The following TAF2 variants were observed in gnomAD, a reference collection of about 807,000 sequenced individuals.
TAF2 encodes transcription initiation factor TFIID subunit 2.
Under a neutral mutation model 138.5 loss-of-function variants are expected in TAF2, and 61 were observed. That is an observed-to-expected ratio of 0.44 (90% CI 0.36 to 0.54). The LOEUF is 0.54. Among genes scored for constraint, TAF2 ranks in the 20% least tolerant of loss-of-function variants. The pLI, the probability that TAF2 is intolerant of heterozygous loss-of-function variation, is 0.00. For synonymous variants in TAF2, 475 were observed against 469.9 expected (o/e 1.01, Z -0.14); for missense variants, 1,090 against 1,427.9 (o/e 0.76, Z 3.81).
chr8:119,758,179 A>G (rs1233962570), intron 20 of TAF2, 37 bp from the exon 21 acceptor site: 5 of 1,511,436 alleles, frequency 3.3e-6, no homozygotes, highest in Non-Finnish European at 4.6e-6. Flanking sequence ...TGTTAATTAT[A>G]ACAAATTAAA....
chr8:119,796,615 T>C (rs1315373739), intron 8 of TAF2, among the ~76,000 whole-genome samples: 1 of 152,124 alleles, frequency 6.6e-6, no homozygotes, highest in African/African-American at 2.4e-5. Flanking sequence ...TAAGTTCTTT[T>C]ATTTATAGAA....
rs1319234795 is a variant in TAF2 at position 119,793,376 on chromosome 8, C to G, written c.1267G>C (p.Glu423Gln). ...LLHPIFGGGK[E>Q]KDNPASHLHF... ...GAACAATAAACATACTTATCCTTCT[C>G]TTTTCCTCCACCAAATATGGGATGT... The change falls in exon 10 of 26, where the codon GAG (glutamate) becomes CAG (glutamine). Residue 423 changes from glutamate to glutamine, a missense_variant. By Grantham distance (29) the Glu-to-Gln change is conservative. Around this residue, in one of 3 missense-constraint regions of TAF2, gnomAD observed 504 missense variants for 680.9 expected, o/e 0.74. Transcript: ENST00000378164. The G allele has an allele frequency of 6.2e-7, 1 of 1,612,522 alleles. No individual in the cohort carries two copies. The highest frequency in any genetic ancestry group is 8.5e-7 in the Non-Finnish European group (1 of 1,178,914).
chr8:119,791,276 A>C (rs771954030), intron 11 of TAF2, 48 bp downstream of exon 11: 1 of 1,601,530 alleles, frequency 6.2e-7, no homozygotes, highest in Admixed American at 1.7e-5. Context: ...GATTATACAC[A>C]TACAGATCTT....
Position 119,802,007 on chromosome 8 carries a change from A to T in TAF2, c.579T>A (p.Val193=). The T allele has an allele frequency of 6.2e-7, 1 of 1,613,778 alleles. No individual in the cohort carries two copies. Among genetic ancestry groups the T allele is most frequent in the Middle Eastern group, 1.7e-4 (1 of 6,056 alleles). ...QNSTRFWFPC[V]DSYSELCTWK... is the part of the protein sequence containing the mutation. ...ATGTACACAATTCAGAGTATGAATC[A>T]ACACAAGGGAACCAAAATCTAGAAA... The change falls in exon 6 of 26, where the codon GTT becomes GTA. Residue 193 remains valine (V), a synonymous_variant. Coordinates refer to ENST00000378164, the MANE Select transcript of TAF2 (RefSeq NM_003184.4).
At chr8:119,795,341 A>G (rs773178005) in intron 9 of TAF2, among the ~76,000 whole-genome samples, 191 bp downstream of exon 9, 6 of 152,166 alleles carry the variant, frequency 3.9e-5, no homozygotes, top group Non-Finnish European at 8.8e-5. Flanking sequence ...TAGGGGAAAA[A>G]AAGGTTTTTA....
intron 3 of TAF2, among the ~76,000 whole-genome samples, chr8:119,817,048 T>C (rs1195032143): frequency 6.6e-6 from 1 of 152,170 alleles, no homozygotes; most frequent in Non-Finnish European, 1.5e-5. Context: ...AAAGCAGGGA[T>C]AGTCAAGCAT....
At chr8:119,778,535 TA>T (rs778515791) in intron 17 of TAF2, among the ~76,000 whole-genome samples, 16 of 152,246 alleles carry the variant, frequency 1.1e-4, no homozygotes, top group African/African-American at 2.4e-4. Context: ...ATTCAACTCC[TA>T]AGCTCTACTA....
chr8:119,741,514 T>C (rs1212947682), intron 25 of TAF2, among the ~76,000 whole-genome samples: 1 of 152,220 alleles, frequency 6.6e-6, no homozygotes, highest in Non-Finnish European at 1.5e-5. Flanking sequence ...GATTTCTTTC[T>C]GAAACATATT....
At chr8:119,733,488 A>T (rs1819018722) in intron 25 of TAF2, among the ~76,000 whole-genome samples, 1 of 152,184 alleles carries the variant, frequency 6.6e-6, no homozygotes, top group South Asian at 2.1e-4. Flanking sequence ...TCATCTAAAA[A>T]TCTAGATCAA....
chr8:119,832,718 C>G lies in TAF2; in HGVS notation c.-154G>C, dbSNP rs1826546516. 1.6e-6 allele frequency: 1 copy of G among 608,922 alleles called. No individual in the cohort carries two copies. Among genetic ancestry groups the G allele is most frequent in the African/African-American group, 1.9e-5 (1 of 53,812 alleles). 37.7% of individuals were successfully genotyped at this position (608,922 alleles called of 1,614,324 possible). ...GGTGAGCGACCTGACGGGTCGCTGCCCGCCTCAACCTCGCTCCTTCGACTA... is the reference window on the plus strand; with the variant it reads ...GGTGAGCGACCTGACGGGTCGCTGCGCGCCTCAACCTCGCTCCTTCGACTA... On this transcript the variant is annotated 5_prime_UTR_variant, in exon 1 of 26. Transcript: ENST00000378164.
intron 3 of TAF2, among the ~76,000 whole-genome samples, chr8:119,817,186 C>A (rs1258767107): frequency 1.3e-5 from 2 of 152,146 alleles, no homozygotes; most frequent in Admixed American, 6.6e-5. Flanking sequence ...TGAAAAGATT[C>A]TCTTTTATAA....
At chr8:119,813,124 T>G (rs765023241) in intron 3 of TAF2, among the ~76,000 whole-genome samples, 18 of 152,210 alleles carry the variant, frequency 1.2e-4, no homozygotes, top group African/African-American at 3.9e-4. Flanking sequence ...TGTTTTTACT[T>G]TTTCATAATG....
chr8:119,750,234 G>A (rs1220463435), intron 22 of TAF2, among the ~76,000 whole-genome samples: 3 of 152,086 alleles, frequency 2.0e-5, no homozygotes, highest in Non-Finnish European at 4.4e-5. Context: ...CCAGCTACTC[G>A]GGAGGCTGAG....
intron 2 of TAF2, among the ~76,000 whole-genome samples, chr8:119,831,320 G>A (rs1260522431): frequency 1.3e-5 from 2 of 152,178 alleles, no homozygotes; most frequent in African/African-American, 2.4e-5. Flanking sequence ...AGCCAAGTCA[G>A]TGAGTGTATT....
intron 22 of TAF2, among the ~76,000 whole-genome samples, chr8:119,748,786 A>G (rs1322509245): frequency 1.3e-5 from 2 of 152,088 alleles, no homozygotes; most frequent in Non-Finnish European, 1.5e-5. Context: ...GAGGGTCTCA[A>G]CCCTCTGAGG....
At chr8:119,825,822 C>A (rs1039679662) in intron 2 of TAF2, among the ~76,000 whole-genome samples, 1 of 151,276 alleles carries the variant, frequency 6.6e-6, no homozygotes, top group Admixed American at 6.6e-5. Flanking sequence ...GTAGCTGGGA[C>A]TACAGGTGCC....
intron 22 of TAF2, among the ~76,000 whole-genome samples, chr8:119,748,718 G>A (rs1260267368): frequency 6.6e-6 from 1 of 152,102 alleles, no homozygotes; most frequent in African/African-American, 2.4e-5. Flanking sequence ...TTTACATATA[G>A]AAAAGTTCCA....
rs370303575 is a variant in TAF2 at position 119,732,225 on chromosome 8, G to C, written c.3338-39C>G. 4 of 1,591,766 alleles carry C rather than the reference G, an allele frequency of 2.5e-6. No individual in the cohort carries two copies. In the African/African-American group the frequency reaches 5.4e-5, roughly 21 times the overall value. The stretch of plus-strand genomic sequence containing the variant: ...AATACCCAAATGAATTCCTGCTGAT[G>C]ATACGGAAAGCCAGACTAAAGAAAG... On this transcript the variant is annotated intron_variant, in intron 25 of 25. Coordinates refer to ENST00000378164, the MANE Select transcript of TAF2 (RefSeq NM_003184.4).
intron 3 of TAF2, among the ~76,000 whole-genome samples, chr8:119,815,073 T>C (rs1471107089): frequency 1.3e-5 from 2 of 150,376 alleles, no homozygotes; most frequent in Non-Finnish European, 3.0e-5. Context: ...CACAAGGTCA[T>C]GAGTTCGAGA....
Sources: gnomAD v4.1 joint callset for allele counts (sites outside exome capture counted in the v4.1 genomes callset) on GRCh38, gnomAD v4.1.1 for gene constraint, gnomAD v4.1.1 regional missense constraint, MANE v1.5 for transcripts, NCBI Gene and HGNC (gene_info 2026-07-23, HGNC 2026-07-21) for gene names.